DCAF8L2: variants seen among roughly 807,000 people sequenced by gnomAD.
The protein encoded by DCAF8L2 is DDB1- and CUL4-associated factor 8-like protein 2.
For missense variants in DCAF8L2, 430 were observed against 490.7 expected, an observed-to-expected ratio of 0.88 and a Z score of 1.17; for synonymous variants, 200 against 190.9, an observed-to-expected ratio of 1.05 and a Z score of -0.39.
the DCAF8L2 span, among the ~76,000 whole-genome samples, chrX:27,560,402 G>A: frequency 1.8e-5 from 2 of 111,376 alleles, no homozygotes; most frequent in Non-Finnish European, 3.8e-5. Context: ...ATCAACTTGC[G>A]CCCGCATACT....
the DCAF8L2 span, among the ~76,000 whole-genome samples, chrX:27,547,196 C>T: frequency 1.8e-5 from 2 of 112,014 alleles, no homozygotes; most frequent in East Asian, 5.6e-4. Flanking sequence ...ATGAGTTCCT[C>T]ATCTCCATTT....
the DCAF8L2 span, among the ~76,000 whole-genome samples, chrX:27,503,504 T>A: frequency 9.0e-6 from 1 of 111,348 alleles, no homozygotes; most frequent in Non-Finnish European, 1.9e-5. Context: ...TTGAGGTTAT[T>A]TTTTTGCCTC....
chrX:27,733,189 A>G (rs1245777016), intron 4 of DCAF8L2, among the ~76,000 whole-genome samples: 1 of 110,783 alleles, frequency 9.0e-6, no homozygotes, highest in East Asian at 2.8e-4. Flanking sequence ...CCTCAACAAC[A>G]CTTGTTATCT....
the DCAF8L2 span, among the ~76,000 whole-genome samples, chrX:27,511,372 G>A: frequency 1.0e-3 from 115 of 110,876 alleles, 1 homozygote; most frequent in African/African-American, 3.7e-3. Flanking sequence ...TTTTTCATGT[G>A]TACATTCAAA....
At chrX:27,572,966 C>T in the DCAF8L2 span, among the ~76,000 whole-genome samples, 1 of 111,086 alleles carries the variant, frequency 9.0e-6, no homozygotes, top group African/African-American at 3.3e-5. Context: ...TGGGATCAAT[C>T]TTTCCCAGTG....
intron 3 of DCAF8L2, among the ~76,000 whole-genome samples, chrX:27,684,790 A>G (rs1350070564): frequency 8.9e-6 from 1 of 111,775 alleles, no homozygotes; most frequent in East Asian, 2.8e-4. Context: ...CTACATAGAT[A>G]TGAGCTCTTA....
chrX:27,547,531 G>T, the DCAF8L2 span, among the ~76,000 whole-genome samples: 1 of 112,010 alleles, frequency 8.9e-6, no homozygotes, highest in Non-Finnish European at 1.9e-5. Flanking sequence ...AGAGGCCTCA[G>T]GAAACTTACA....
intron 2 of DCAF8L2, among the ~76,000 whole-genome samples, chrX:27,658,690 T>G (rs777359902): frequency 1.8e-5 from 2 of 111,731 alleles, no homozygotes; most frequent in Non-Finnish European, 3.8e-5. Context: ...GCTCAATAAT[T>G]ATTTTTAAGG....
intron 3 of DCAF8L2, among the ~76,000 whole-genome samples, chrX:27,686,349 T>C (rs183361278): frequency 1.8e-3 from 195 of 111,361 alleles, no homozygotes; most frequent in African/African-American, 6.0e-3. Flanking sequence ...CATAAATAGA[T>C]GAATGGATGA....
chrX:27,619,877 AG>A (rs1167798373), intron 1 of DCAF8L2, among the ~76,000 whole-genome samples: 269 of 111,777 alleles, frequency 2.4e-3, no homozygotes, highest in African/African-American at 8.3e-3. Flanking sequence ...AGTAAAAAAA[AG>A]ACTAAAATAT....
chrX:27,611,297 A>G (rs998720128), intron 1 of DCAF8L2, among the ~76,000 whole-genome samples: 4 of 110,557 alleles, frequency 3.6e-5, no homozygotes, highest in African/African-American at 1.3e-4. Flanking sequence ...GAAACATTAC[A>G]TCATGGGTCT....
intron 2 of DCAF8L2, among the ~76,000 whole-genome samples, chrX:27,651,014 G>C (rs926613484): frequency 9.0e-6 from 1 of 111,701 alleles, no homozygotes; most frequent in African/African-American, 3.3e-5. Context: ...AGGGATGTTG[G>C]AGTTTATCAA....
At chrX:27,673,464 T>G (rs1930026034) in intron 2 of DCAF8L2, among the ~76,000 whole-genome samples, 1 of 94,418 alleles carries the variant, frequency 1.1e-5, no homozygotes, top group Admixed American at 1.3e-4. Flanking sequence ...GCCGAGATAG[T>G]GCCACTGCAC....
At chrX:27,614,961 C>A (rs904808499) in intron 1 of DCAF8L2, among the ~76,000 whole-genome samples, 20 of 111,234 alleles carry the variant, frequency 1.8e-4, no homozygotes, top group African/African-American at 6.2e-4. Context: ...CACAATGATA[C>A]AAAAGGCTGC....
chrX:27,561,194 T>G, the DCAF8L2 span, among the ~76,000 whole-genome samples: 2 of 111,847 alleles, frequency 1.8e-5, no homozygotes, highest in South Asian at 7.5e-4. Flanking sequence ...ATCTTTCGAG[T>G]TTGTGTGTCT....
the DCAF8L2 span, among the ~76,000 whole-genome samples, chrX:27,495,760 A>G: frequency 9.0e-6 from 1 of 111,636 alleles, no homozygotes; most frequent in Non-Finnish European, 1.9e-5. Context: ...CTTTTTTAGC[A>G]TTATTAGAAA....
At chrX:27,485,346 T>C in the DCAF8L2 span, among the ~76,000 whole-genome samples, 5 of 111,638 alleles carry the variant, frequency 4.5e-5, no homozygotes, top group Middle Eastern at 4.6e-3. Flanking sequence ...TGAGCTACAA[T>C]GAAGAAGGGA....
At position 27,640,053 on chromosome X, in the gene DCAF8L2, A is replaced by T. The variant is rs185326894; in HGVS notation, c.-220+8053A>T. On this transcript the variant is annotated intron_variant, in intron 2 of 4. Coordinates refer to ENST00000451261, the MANE Select transcript of DCAF8L2 (RefSeq NM_001353450.2). ...CTGCACCCATTAACTGGTCATTTAC[A>T]TTAGGTATATCTCCTAATGCTATCC... 8.9e-4 allele frequency among the ~76,000 whole-genome samples: 99 copies of T among 111,660 alleles called. 1 individual carries two copies. The highest frequency in any genetic ancestry group is 3.1e-3 in the African/African-American group (94 of 30,759).
chrX:27,748,939 T>C lies in DCAF8L2; in HGVS notation c.*148T>C. The C allele has an allele frequency of 1.5e-6, 1 of 678,146 alleles. No individual in the cohort carries two copies. The highest frequency in any genetic ancestry group is 3.6e-5 in the East Asian group (1 of 28,006). 55.9% of individuals were successfully genotyped at this position (678,146 alleles called of 1,213,427 possible). ...ATATGCTGAAAACCGTCTCTTCCAT[T>C]CCTTCCTCTCTACTTTCCTTTCTTT... On this transcript the variant is annotated 3_prime_UTR_variant, in exon 5 of 5. Coordinates refer to ENST00000451261, the MANE Select transcript of DCAF8L2 (RefSeq NM_001353450.2).
Sources: gnomAD v4.1 joint callset for allele counts (sites outside exome capture counted in the v4.1 genomes callset) on GRCh38, gnomAD v4.1.1 for gene constraint, MANE v1.5 for transcripts, NCBI Gene and HGNC (gene_info 2026-07-23, HGNC 2026-07-21) for gene names.